Variants in GNG4 observed in about 807,000 individuals in gnomAD.
The protein encoded by GNG4 is G protein subunit gamma 4, also known as guanine nucleotide-binding protein G(I)/G(S)/G(O) subunit gamma-4.
A neutral mutation model predicts 5.8 loss-of-function variants in GNG4; 4 were observed. The observed-to-expected ratio is 0.69, with a 90% CI of 0.34 to 1.57. The LOEUF (loss-of-function observed/expected upper bound fraction) is 1.57, where lower values mean the gene tolerates loss of function less well. Among genes scored for constraint, GNG4 ranks in the 40% most tolerant of loss-of-function variants. The pLI is 0.06. For synonymous variants in GNG4, 29 were observed against 32.9 expected (o/e 0.88, Z 0.41); for missense variants, 96 against 95.1 (o/e 1.01, Z -0.04).
chr1:235,622,774 A>G (rs1688737010), intron 1 of GNG4, among the ~76,000 whole-genome samples: 1 of 151,290 alleles, frequency 6.6e-6, no homozygotes, highest in Non-Finnish European at 1.5e-5. Flanking sequence ...CAGGAGGCTG[A>G]GGCAGAAGAA....
chr1:235,552,338 G>A (rs942352686), intron 3 of GNG4, 101 bp from the exon 4 acceptor site: 6 of 1,073,020 alleles, frequency 5.6e-6, no homozygotes, highest in African/African-American at 3.1e-5. Context: ...CCTAGGGTAG[G>A]CTGTATTGTG....
chr1:235,594,699 C>T (rs1233182349), intron 2 of GNG4, among the ~76,000 whole-genome samples: 3 of 152,242 alleles, frequency 2.0e-5, no homozygotes, highest in African/African-American at 7.2e-5. Flanking sequence ...TAAACCCACG[C>T]CCACCCAGAA....
chr1:235,629,383 A>G (rs1688888932), intron 1 of GNG4, among the ~76,000 whole-genome samples: 1 of 152,028 alleles, frequency 6.6e-6, no homozygotes, highest in Non-Finnish European at 1.5e-5. Flanking sequence ...CTTCTCCCAT[A>G]TGGTATGAAA....
At chr1:235,620,523 A>G (rs1411431733) in intron 1 of GNG4, among the ~76,000 whole-genome samples, 1 of 151,948 alleles carries the variant, frequency 6.6e-6, no homozygotes, top group Non-Finnish European at 1.5e-5. Flanking sequence ...TTGAATGTGC[A>G]GTTTGTTTGT....
intron 1 of GNG4, among the ~76,000 whole-genome samples, chr1:235,599,166 C>T (rs1688193555): frequency 2.0e-5 from 3 of 152,168 alleles, no homozygotes; most frequent in East Asian, 1.9e-4. Context: ...GCTGGGACCT[C>T]GGGGAGGCTG....
At chr1:235,633,176 T>A (rs1261876228) in intron 1 of GNG4, among the ~76,000 whole-genome samples, 7 of 152,192 alleles carry the variant, frequency 4.6e-5, no homozygotes, top group African/African-American at 1.7e-4. Context: ...GTTGTTGTTG[T>A]TTTAATGAGT....
intron 1 of GNG4, among the ~76,000 whole-genome samples, chr1:235,596,259 C>T (rs946731490): frequency 2.7e-5 from 4 of 150,782 alleles, no homozygotes; most frequent in East Asian, 2.0e-4. Flanking sequence ...CACACCTGGC[C>T]GGGCGCAGGG....
chr1:235,599,835 G>A (rs2102960387), intron 1 of GNG4, among the ~76,000 whole-genome samples: 1 of 152,194 alleles, frequency 6.6e-6, no homozygotes, highest in South Asian at 2.1e-4. Context: ...TCCTCTTTTA[G>A]ATAACTTACT....
At chr1:235,643,829 C>T (rs1326074295) in intron 1 of GNG4, among the ~76,000 whole-genome samples, 1 of 152,206 alleles carries the variant, frequency 6.6e-6, no homozygotes, top group East Asian at 1.9e-4. Context: ...TCCAGGCCAG[C>T]AATTGGCTTC....
chr1:235,594,289 C>A (rs200778951), intron 2 of GNG4, among the ~76,000 whole-genome samples: 1 of 152,160 alleles, frequency 6.6e-6, no homozygotes, highest in Non-Finnish European at 1.5e-5. Flanking sequence ...ATACAGAGTG[C>A]CGATTGGTGT....
At chr1:235,598,267 A>G (rs1688172267) in intron 1 of GNG4, among the ~76,000 whole-genome samples, 1 of 152,126 alleles carries the variant, frequency 6.6e-6, no homozygotes, top group Non-Finnish European at 1.5e-5. Flanking sequence ...AGGCAACCAG[A>G]GCTTCTCAGA....
At chr1:235,640,239 A>T (rs577080180) in intron 1 of GNG4, among the ~76,000 whole-genome samples, 1 of 152,232 alleles carries the variant, frequency 6.6e-6, no homozygotes, top group East Asian at 1.9e-4. Context: ...GGCATAGGAC[A>T]CAAGAGCCTG....
At chr1:235,572,069 CAA>C (rs1309417696) in intron 3 of GNG4, among the ~76,000 whole-genome samples, 2 of 152,152 alleles carry the variant, frequency 1.3e-5, no homozygotes, top group Non-Finnish European at 2.9e-5. Flanking sequence ...CTCCTGAGCT[CAA>C]GTGATCCTCC....
intron 1 of GNG4, among the ~76,000 whole-genome samples, chr1:235,617,184 T>C (rs2102973542): frequency 6.6e-6 from 1 of 152,346 alleles, no homozygotes; most frequent in Admixed American, 6.5e-5. Flanking sequence ...GACCTCCGGC[T>C]GGCCAGTTTT....
At chr1:235,611,430 T>C (rs1403054605) in intron 1 of GNG4, among the ~76,000 whole-genome samples, 1 of 152,174 alleles carries the variant, frequency 6.6e-6, no homozygotes, top group African/African-American at 2.4e-5. Flanking sequence ...CCACTTTGCC[T>C]ACCAATGTGC....
chr1:235,585,091 GCTT>G (rs896152075), intron 2 of GNG4, among the ~76,000 whole-genome samples: 10 of 151,862 alleles, frequency 6.6e-5, no homozygotes, highest in East Asian at 3.9e-4. Context: ...TCTTTCCTAT[GCTT>G]CTTTTTTCTC....
In GNG4 at chr1:235,590,086, C is replaced by T. The variant is rs10926160; in HGVS notation, c.-11+5314G>A. 4.2e-3 allele frequency among the ~76,000 whole-genome samples: 646 copies of T among 152,320 alleles called. 3 individuals carry two copies. Among genetic ancestry groups the T allele is most frequent in the African/African-American group, 0.015 (626 of 41,578 alleles). On this transcript the variant is annotated intron_variant, in intron 2 of 3. Coordinates refer to ENST00000391854, the MANE Select transcript of GNG4 (RefSeq NM_001098722.2). ...GAATATGCAAATATATTTATGCAAT[C>T]TGCACCTGACCATCTTAAAACAAGC...
intron 3 of GNG4, among the ~76,000 whole-genome samples, chr1:235,580,739 G>GC (rs1687608939): frequency 1.0e-5 from 1 of 98,048 alleles, no homozygotes; most frequent in African/African-American, 4.5e-5. Context: ...GGCCTATCCC[G>GC]TTTTTTGTTT....
intron 3 of GNG4, among the ~76,000 whole-genome samples, chr1:235,554,934 T>TC (rs959470236): frequency 2.2e-4 from 34 of 152,214 alleles, no homozygotes; most frequent in Non-Finnish European, 4.4e-4. Context: ...CTACTTCATT[T>TC]TTTTTGGACA....
Sources: gnomAD v4.1 joint callset for allele counts (sites outside exome capture counted in the v4.1 genomes callset) on GRCh38, gnomAD v4.1.1 for gene constraint, MANE v1.5 for transcripts, NCBI Gene and HGNC (gene_info 2026-07-23, HGNC 2026-07-21) for gene names.